CLHC1: variants seen among roughly 807,000 people sequenced by gnomAD.
The protein encoded by CLHC1 is clathrin heavy chain linker domain-containing protein 1.
In CLHC1, 72 loss-of-function variants were observed where a neutral mutation model predicts 69.5. The observed-to-expected ratio is 1.04, with a 90% CI of 0.86 to 1.26. The LOEUF (loss-of-function observed/expected upper bound fraction) is 1.26. CLHC1 is among the 50% of genes most tolerant of loss of function. The pLI, the probability that CLHC1 is intolerant of heterozygous loss-of-function variation, is 0.00. For synonymous variants in CLHC1, 223 were observed against 224.3 expected, an observed-to-expected ratio of 0.99 and a Z score of 0.05; for missense variants, 790 against 679.3, an observed-to-expected ratio of 1.16 and a Z score of -1.81.
chr2:55,188,214 G>C (rs953403093), intron 9 of CLHC1, among the ~76,000 whole-genome samples: 1 of 152,078 alleles, frequency 6.6e-6, no homozygotes, highest in Non-Finnish European at 1.5e-5. Flanking sequence ...GACTAGAGAC[G>C]CTGAAGTGGG....
intron 8 of CLHC1, 130 bp downstream of exon 8, chr2:55,208,495 TA>T: frequency 1.6e-6 from 1 of 610,988 alleles, no homozygotes; most frequent in Non-Finnish European, 2.8e-6. Context: ...CCTGTATAAA[TA>T]AAACATATCA....
At chr2:55,203,385 G>GA (rs1672143540) in intron 9 of CLHC1, among the ~76,000 whole-genome samples, 2 of 152,094 alleles carry the variant, frequency 1.3e-5, no homozygotes, top group African/African-American at 4.8e-5. Context: ...AAAACTGGAG[G>GA]AATCACATTA....
chr2:55,229,829 T>G (rs1388494266), intron 1 of CLHC1, among the ~76,000 whole-genome samples: 1 of 152,176 alleles, frequency 6.6e-6, no homozygotes, highest in African/African-American at 2.4e-5. Context: ...ATCCCAGCAC[T>G]CTGGGAGGCC....
chr2:55,193,066 G>C (rs372422026), intron 9 of CLHC1, among the ~76,000 whole-genome samples: 3 of 151,606 alleles, frequency 2.0e-5, no homozygotes, highest in African/African-American at 7.3e-5. Context: ...GCTAATTTTT[G>C]TATATTTAGT....
chr2:55,197,407 T>C (rs1671529477), intron 9 of CLHC1, among the ~76,000 whole-genome samples: 1 of 152,342 alleles, frequency 6.6e-6, no homozygotes, highest in Non-Finnish European at 1.5e-5. Context: ...AGTGCTGTGC[T>C]GGCTTCAGGT....
intron 9 of CLHC1, among the ~76,000 whole-genome samples, chr2:55,203,349 C>A (rs1672140578): frequency 6.6e-6 from 1 of 152,046 alleles, no homozygotes; most frequent in African/African-American, 2.4e-5. Flanking sequence ...CCAGAATAGC[C>A]AAAAACCATC....
At chr2:55,212,527 C>T (rs1673106063) in intron 5 of CLHC1, 146 bp downstream of exon 5, 3 of 653,788 alleles carry the variant, frequency 4.6e-6, no homozygotes, top group Middle Eastern at 8.6e-4. Flanking sequence ...CTTGAATCTA[C>T]CTACAGTCCT....
chr2:55,202,865 C>T (rs1672091807), intron 9 of CLHC1, among the ~76,000 whole-genome samples: 1 of 147,286 alleles, frequency 6.8e-6, no homozygotes, highest in African/African-American at 2.5e-5. Context: ...CACCACTGCA[C>T]TCCAGCCTGG....
intron 7 of CLHC1, among the ~76,000 whole-genome samples, chr2:55,209,182 T>C (rs1234554348): frequency 6.6e-6 from 1 of 152,032 alleles, no homozygotes. Flanking sequence ...CTCCTCTTTA[T>C]TTTGATGTAC....
chr2:55,221,569 G>A (rs1674117290), intron 3 of CLHC1, among the ~76,000 whole-genome samples: 1 of 152,136 alleles, frequency 6.6e-6, no homozygotes, highest in Non-Finnish European at 1.5e-5. Context: ...AAAATAACAA[G>A]GAAGTATCAT....
chr2:55,218,631 G>A (rs1325808779), intron 3 of CLHC1: 2 of 152,284 alleles, frequency 1.3e-5, no homozygotes, highest in East Asian at 3.9e-4. Flanking sequence ...AGTAGAATCT[G>A]AGATGAGAAG....
chr2:55,173,147 A>G lies in CLHC1; in HGVS notation c.*2643T>C, dbSNP rs1469597229. Among the ~76,000 whole-genome samples, 2 of 152,226 alleles carry G rather than the reference A, an allele frequency of 1.3e-5. No individual in the cohort carries two copies. Among genetic ancestry groups the G allele is most frequent in the African/African-American group, 4.8e-5 (2 of 41,448 alleles). Reference sequence around the variant, plus strand: ...ATGTAAAGCAATCAATGGCAAGAGGAAAAAAGGAGAGAAGACACGCTCAAG... The same window carrying G: ...ATGTAAAGCAATCAATGGCAAGAGGGAAAAAGGAGAGAAGACACGCTCAAG... On this transcript the variant is annotated 3_prime_UTR_variant, in exon 13 of 13. Transcript: ENST00000401408.
At chr2:55,205,560 T>C (rs1043448228) in intron 9 of CLHC1, among the ~76,000 whole-genome samples, 5 of 152,158 alleles carry the variant, frequency 3.3e-5, no homozygotes, top group Non-Finnish European at 7.4e-5. Context: ...ATGAGGGAAC[T>C]TTTGAGTGAT....
Position 55,175,757 on chromosome 2 carries a change from G to T in CLHC1, c.*33C>A. ...TCCCAACCAGCATACATAAGGTGTT[G>T]TACAAGCTCCCTCAGCTGGTTAAGA... On this transcript the variant is annotated 3_prime_UTR_variant, in exon 13 of 13. Transcript: ENST00000401408. The T allele has an allele frequency of 6.5e-7, 1 of 1,541,850 alleles. No homozygotes were observed. Among genetic ancestry groups the T allele is most frequent in the Non-Finnish European group, 8.9e-7 (1 of 1,118,214 alleles).
At chr2:55,218,820 G>A (rs1673831028) in intron 3 of CLHC1, among the ~76,000 whole-genome samples, 1 of 152,086 alleles carries the variant, frequency 6.6e-6, no homozygotes. Context: ...GATTTCAGAG[G>A]GATTGAAGAA....
Position 55,174,750 on chromosome 2 carries a change from A to C in CLHC1, c.*1040T>G, listed in dbSNP as rs1437312355. On this transcript the variant is annotated 3_prime_UTR_variant, in exon 13 of 13. Transcript: ENST00000401408. The stretch of plus-strand genomic sequence containing the variant: ...CTCTTTGCTCTTATTCTAATAGCAG[A>C]TCATTTTCATTTTTTACTTGAAATT... The C allele has an allele frequency of 2.6e-5, 4 of 152,302 alleles. No individual in the cohort carries two copies. The highest frequency in any genetic ancestry group is 9.6e-5 in the African/African-American group (4 of 41,574). 9.4% of individuals were successfully genotyped at this position (152,302 alleles called of 1,614,324 possible). A position where few individuals can be genotyped will look rare whatever the true frequency, so the allele number is the denominator to read the frequency against.
At position 55,202,512 on chromosome 2, in the gene CLHC1, C is replaced by T. The variant is rs189019175; in HGVS notation, c.1006+3758G>A. ...CGGAGTTTGCAGTGAGCTGAGATCGCGCCATTGCACTCCAGCCTGGGGGAC... is the reference window on the plus strand; with the variant it reads ...CGGAGTTTGCAGTGAGCTGAGATCGTGCCATTGCACTCCAGCCTGGGGGAC... On this transcript the variant is annotated intron_variant, in intron 9 of 12. Transcript: ENST00000401408. Among the ~76,000 whole-genome samples, 37 of 149,676 alleles carry T rather than the reference C, an allele frequency of 2.5e-4. No homozygotes were observed. The East Asian group carries it at 6.3e-3, about 25-fold the overall frequency.
intron 7 of CLHC1, 142 bp from the exon 8 acceptor site, chr2:55,208,852 C>A: frequency 2.0e-6 from 1 of 505,496 alleles, no homozygotes; most frequent in East Asian, 3.2e-5. Context: ...AGTGGCCTCC[C>A]CGTCCCTTTC....
Position 55,204,151 on chromosome 2 carries a change from G to A in CLHC1, c.1006+2119C>T, listed in dbSNP as rs140092850. On this transcript the variant is annotated intron_variant, in intron 9 of 12. Coordinates refer to ENST00000401408, the MANE Select transcript of CLHC1 (RefSeq NM_152385.4). ...AATACAAAATTAGCTGGGCATGGTG[G>A]TGCATGCTTGTAATCCCAGCTACTA... Among the ~76,000 whole-genome samples, 562 of 152,252 alleles carry A rather than the reference G, an allele frequency of 3.7e-3. 3 individuals are homozygous for A. Among genetic ancestry groups the A allele is most frequent in the Middle Eastern group, 0.031 (9 of 294 alleles).
Sources: gnomAD v4.1 joint callset for allele counts (sites outside exome capture counted in the v4.1 genomes callset) on GRCh38, gnomAD v4.1.1 for gene constraint, MANE v1.5 for transcripts, NCBI Gene and HGNC (gene_info 2026-07-23, HGNC 2026-07-21) for gene names.